GOLPH3: variants seen among roughly 807,000 people sequenced by gnomAD.
GOLPH3 encodes coat protein GPP34.
Under a neutral mutation model 28.5 loss-of-function variants are expected in GOLPH3, and 14 were observed. The observed-to-expected ratio is 0.49, with a 90% CI of 0.32 to 0.77. The LOEUF is 0.77. Ranked by LOEUF, GOLPH3 falls within the 30% of genes least tolerant of loss-of-function variation. The pLI is 0.03. For missense variants in GOLPH3, 350 were observed against 393.7 expected (o/e 0.89, Z 0.94); for synonymous variants, 158 against 159.2 (o/e 0.99, Z 0.06).
At chr5:32,173,692 G>C (rs994522095) in intron 1 of GOLPH3, 118 bp downstream of exon 1, 7 of 670,288 alleles carry the variant, frequency 1.0e-5, no homozygotes, top group South Asian at 5.8e-5. Context: ...CGCGGACTTC[G>C]GAGCGAGGGC....
At chr5:32,133,796 TGG>T (rs1745875973) in intron 3 of GOLPH3, among the ~76,000 whole-genome samples, 1 of 152,122 alleles carries the variant, frequency 6.6e-6, no homozygotes, top group South Asian at 2.1e-4. Flanking sequence ...CCTCATCAAA[TGG>T]GCAAAGCAAT....
At chr5:32,168,210 T>C (rs1388856048) in intron 1 of GOLPH3, among the ~76,000 whole-genome samples, 2 of 152,222 alleles carry the variant, frequency 1.3e-5, no homozygotes, top group East Asian at 3.8e-4. Flanking sequence ...ATTTCTGATT[T>C]ACAGATTTGA....
chr5:32,152,293 A>C (rs1478683433), intron 1 of GOLPH3, among the ~76,000 whole-genome samples: 2 of 151,472 alleles, frequency 1.3e-5, no homozygotes, highest in African/African-American at 4.9e-5. Flanking sequence ...TGCCCGGCTA[A>C]TTATTCTATT....
At chr5:32,170,812 T>C (rs960281111) in intron 1 of GOLPH3, among the ~76,000 whole-genome samples, 2 of 151,928 alleles carry the variant, frequency 1.3e-5, no homozygotes, top group African/African-American at 4.8e-5. Flanking sequence ...GGAAAAAATA[T>C]ATAGGCTAAT....
rs767608463 is a variant in GOLPH3 at position 32,135,647 on chromosome 5, G to A, written c.397C>T (p.Leu133Phe). Reference sequence around the variant, plus strand: ...TTAACATGCTTCAGAGCTTCATCAAGAAGAACATCCCCTGTTGGAGCATCT... The same window carrying A: ...TTAACATGCTTCAGAGCTTCATCAAAAAGAACATCCCCTGTTGGAGCATCT... ...KSDAPTGDVL[L>F]DEALKHVKET... The change falls in exon 3 of 4, where the codon CTT becomes TTT. Residue 133 changes from leucine to phenylalanine, a missense_variant. Leu to Phe is a conservative substitution (Grantham distance 22). Coordinates refer to ENST00000265070, the MANE Select transcript of GOLPH3 (RefSeq NM_022130.4). The A allele has an allele frequency of 6.2e-7, 1 of 1,613,652 alleles. No homozygotes were observed. Among genetic ancestry groups the A allele is most frequent in the Non-Finnish European group, 8.5e-7 (1 of 1,179,628 alleles).
Position 32,136,634 on chromosome 5 carries a change from T to G in GOLPH3, c.358-948A>C, listed in dbSNP as rs116702476. Among the ~76,000 whole-genome samples the G allele has an allele frequency of 1.9e-3, 292 of 152,328 alleles. 2 individuals are homozygous for G. The highest frequency in any genetic ancestry group is 6.9e-3 in the African/African-American group (288 of 41,574). The stretch of plus-strand genomic sequence containing the variant: ...TCCCAGAAATAAGACTAAATTATAT[T>G]TAAGAATTCAGTACAGGCTGAACGT... On this transcript the variant is annotated intron_variant, in intron 2 of 3. Coordinates refer to ENST00000265070, the MANE Select transcript of GOLPH3 (RefSeq NM_022130.4).
intron 3 of GOLPH3, among the ~76,000 whole-genome samples, chr5:32,129,822 C>T (rs1371524341): frequency 2.0e-5 from 3 of 151,676 alleles, no homozygotes; most frequent in African/African-American, 7.3e-5. Flanking sequence ...AGGCACACAT[C>T]TTTCAAAAGT....
intron 3 of GOLPH3, among the ~76,000 whole-genome samples, chr5:32,127,987 T>A (rs2111832591): frequency 6.6e-6 from 1 of 151,514 alleles, no homozygotes; most frequent in South Asian, 2.1e-4. Context: ...AGCAGTCCCA[T>A]CACGTTAAGG....
intron 1 of GOLPH3, among the ~76,000 whole-genome samples, chr5:32,151,458 T>A (rs911914056): frequency 6.6e-6 from 1 of 152,176 alleles, no homozygotes; most frequent in Non-Finnish European, 1.5e-5. Context: ...TGCAATGAGC[T>A]ATAATTGCAC....
chr5:32,170,457 G>A (rs1301263563), intron 1 of GOLPH3, among the ~76,000 whole-genome samples: 1 of 152,144 alleles, frequency 6.6e-6, no homozygotes, highest in Non-Finnish European at 1.5e-5. Flanking sequence ...GTTCTTAGGA[G>A]AATCCAGACA....
rs1293222130 is a variant in GOLPH3 at position 32,126,577 on chromosome 5, C to A, written c.532G>T (p.Ala178Ser). 1 of 1,613,986 alleles carries A rather than the reference C, an allele frequency of 6.2e-7. No homozygotes were observed. Among genetic ancestry groups the A allele is most frequent in the Admixed American group, 1.7e-5 (1 of 59,994 alleles). Reference sequence around the variant, plus strand: ...ACACCCTTTTCCACCAGGTTTTTAGCTAATCGTTCCCGTACATTTCTTAAC... The same window carrying A: ...ACACCCTTTTCCACCAGGTTTTTAGATAATCGTTCCCGTACATTTCTTAAC... ...YQLRNVRERLAKNLVEKGVLT... is the reference protein window; with the variant it reads ...YQLRNVRERLSKNLVEKGVLT... Residue 178 changes from alanine to serine, a missense_variant, in exon 4 of 4, where the codon GCT (alanine) becomes TCT (serine). Ala to Ser is a moderately conservative substitution (Grantham distance 99). Coordinates refer to ENST00000265070, the MANE Select transcript of GOLPH3 (RefSeq NM_022130.4).
intron 1 of GOLPH3, among the ~76,000 whole-genome samples, chr5:32,167,941 T>A (rs79372704): frequency 6.6e-6 from 1 of 152,030 alleles, no homozygotes; most frequent in African/African-American, 2.4e-5. Context: ...AAGACAAAGC[T>A]AGGCCCTGTC....
chr5:32,161,737 C>G (rs1432744321), intron 1 of GOLPH3, among the ~76,000 whole-genome samples: 1 of 151,166 alleles, frequency 6.6e-6, no homozygotes, highest in Non-Finnish European at 1.5e-5. Flanking sequence ...ACCTAAAAAT[C>G]AGAAGTCGGG....
At chr5:32,126,663 AATG>A (rs781747244) in intron 3 of GOLPH3, 27 bp from the exon 4 acceptor site, 5 of 1,585,736 alleles carry the variant, frequency 3.2e-6, no homozygotes, top group Non-Finnish European at 3.4e-6. Context: ...AGAAGTTAGA[AATG>A]ATGAGTATTA....
chr5:32,145,664 G>C (rs1581545445), intron 1 of GOLPH3, among the ~76,000 whole-genome samples: 1 of 152,338 alleles, frequency 6.6e-6, no homozygotes, highest in Non-Finnish European at 1.5e-5. Context: ...TTTGACAGCA[G>C]AGAACTAAAA....
At chr5:32,136,385 G>A (rs1222516942) in intron 2 of GOLPH3, among the ~76,000 whole-genome samples, 1 of 151,952 alleles carries the variant, frequency 6.6e-6, no homozygotes, top group Non-Finnish European at 1.5e-5. Flanking sequence ...GGAGGCTGAG[G>A]CAGGAGAATT....
At chr5:32,129,566 G>T (rs1024400213) in intron 3 of GOLPH3, among the ~76,000 whole-genome samples, 1 of 152,090 alleles carries the variant, frequency 6.6e-6, no homozygotes, top group African/African-American at 2.4e-5. Context: ...AACTATACTG[G>T]CCAGAAGAAA....
chr5:32,136,041 G>A (rs533255087), intron 2 of GOLPH3, among the ~76,000 whole-genome samples: 1 of 152,198 alleles, frequency 6.6e-6, no homozygotes, highest in African/African-American at 2.4e-5. Context: ...CAGGTGTGGT[G>A]GTGCACGCCT....
At chr5:32,142,185 A>G (rs1188863595) in intron 2 of GOLPH3, among the ~76,000 whole-genome samples, 2 of 144,012 alleles carry the variant, frequency 1.4e-5, no homozygotes, top group African/African-American at 5.3e-5. Context: ...CCGCCATCAC[A>G]TCTGGGAAGT....
Sources: gnomAD v4.1 joint callset for allele counts (sites outside exome capture counted in the v4.1 genomes callset) on GRCh38, gnomAD v4.1.1 for gene constraint, MANE v1.5 for transcripts, NCBI Gene and HGNC (gene_info 2026-07-23, HGNC 2026-07-21) for gene names.